The following GRM7 variants were observed in gnomAD, a reference collection of about 807,000 sequenced individuals.
GRM7 encodes the protein glutamate metabotropic receptor 7.
A neutral mutation model predicts 84.5 loss-of-function variants in GRM7; 35 were observed. The observed-to-expected ratio is 0.41, with a 90% CI of 0.32 to 0.55. The LOEUF (loss-of-function observed/expected upper bound fraction) is 0.55, where lower values mean the gene tolerates loss of function less well. Ranked by LOEUF, GRM7 falls within the 20% of genes least tolerant of loss-of-function variation. GRM7 has a pLI of 0.19. For missense variants in GRM7, 1,003 were observed against 1,194.6 expected, an observed-to-expected ratio of 0.84 and a Z score of 2.36; for synonymous variants, 487 against 455.1, an observed-to-expected ratio of 1.07 and a Z score of -0.89.
intron 7 of GRM7, among the ~76,000 whole-genome samples, chr3:7,472,690 C>A (rs766458540): frequency 6.6e-6 from 1 of 152,148 alleles, no homozygotes; most frequent in Non-Finnish European, 1.5e-5. Flanking sequence ...CTCACCACTT[C>A]CAGAAATCTG....
At chr3:7,587,240 T>C (rs1695561024) in intron 8 of GRM7, among the ~76,000 whole-genome samples, 3 of 152,240 alleles carry the variant, frequency 2.0e-5, no homozygotes, top group African/African-American at 4.8e-5. Flanking sequence ...AGCGGCCTTA[T>C]GCCAACTGGC....
intron 1 of GRM7, among the ~76,000 whole-genome samples, chr3:7,105,018 C>G (rs545069237): frequency 2.6e-5 from 4 of 151,542 alleles, no homozygotes; most frequent in African/African-American, 9.7e-5. Context: ...TGAATAGTTC[C>G]CTGAGCATGA....
intron 8 of GRM7, among the ~76,000 whole-genome samples, chr3:7,585,586 A>T (rs1695481909): frequency 3.3e-5 from 5 of 152,212 alleles, no homozygotes; most frequent in Admixed American, 3.3e-4. Context: ...ACTCAGAAAG[A>T]GAAATTCCTG....
At chr3:7,132,880 C>T (rs945614610) in intron 1 of GRM7, among the ~76,000 whole-genome samples, 4 of 152,184 alleles carry the variant, frequency 2.6e-5, no homozygotes, top group Non-Finnish European at 5.9e-5. Context: ...AATTGCCATA[C>T]AGCATACCAT....
At chr3:7,251,849 A>G (rs1038398034) in intron 2 of GRM7, among the ~76,000 whole-genome samples, 1 of 152,224 alleles carries the variant, frequency 6.6e-6, no homozygotes, top group Non-Finnish European at 1.5e-5. Context: ...AATCATAAGT[A>G]TAACCTGATG....
intron 1 of GRM7, among the ~76,000 whole-genome samples, chr3:7,033,144 T>C (rs1358689460): frequency 1.3e-5 from 2 of 152,200 alleles, no homozygotes; most frequent in African/African-American, 4.8e-5. Flanking sequence ...CTCCAATTTC[T>C]GCTTCTGTCT....
At chr3:7,240,521 G>C (rs1359452787) in intron 2 of GRM7, among the ~76,000 whole-genome samples, 1 of 152,036 alleles carries the variant, frequency 6.6e-6, no homozygotes, top group Non-Finnish European at 1.5e-5. Context: ...ACTAAGATAT[G>C]GTTGAATATT....
chr3:6,954,173 C>CA (rs1461497037), intron 1 of GRM7, among the ~76,000 whole-genome samples: 1 of 152,088 alleles, frequency 6.6e-6, no homozygotes, highest in African/African-American at 2.4e-5. Context: ...ATGATCAAGT[C>CA]AGGATATTCA....
At chr3:7,129,832 C>T (rs1693531897) in intron 1 of GRM7, among the ~76,000 whole-genome samples, 1 of 152,212 alleles carries the variant, frequency 6.6e-6, no homozygotes, top group East Asian at 1.9e-4. Flanking sequence ...TATTTTCAAG[C>T]AATTGTTATT....
At chr3:7,129,892 A>G in intron 1 of GRM7, among the ~76,000 whole-genome samples, 1 of 152,188 alleles carries the variant, frequency 6.6e-6, no homozygotes, top group East Asian at 1.9e-4. Flanking sequence ...GTATTGCTTA[A>G]TCATCAAAAT....
chr3:7,249,001 T>C (rs1697878697), intron 2 of GRM7, among the ~76,000 whole-genome samples: 1 of 152,182 alleles, frequency 6.6e-6, no homozygotes, highest in Non-Finnish European at 1.5e-5. Flanking sequence ...TAGACAGCCA[T>C]AGATATGAAC....
At chr3:6,949,815 A>G (rs1407476861) in intron 1 of GRM7, among the ~76,000 whole-genome samples, 2 of 152,092 alleles carry the variant, frequency 1.3e-5, no homozygotes, top group African/African-American at 2.4e-5. Flanking sequence ...TTGATCTTCC[A>G]TCTCTGATAC....
At chr3:7,651,507 C>G (rs1426149270) in intron 8 of GRM7, among the ~76,000 whole-genome samples, 4 of 152,140 alleles carry the variant, frequency 2.6e-5, no homozygotes, top group Non-Finnish European at 5.9e-5. Context: ...AGCTCTTGCT[C>G]TATAATTGAG....
At chr3:7,675,734 G>A (rs162809) in intron 8 of GRM7, among the ~76,000 whole-genome samples, 62,123 of 151,950 alleles carry the variant, frequency 0.41, 12,858 homozygotes, top group Non-Finnish European at 0.44. Context: ...TATACATAAA[G>A]AGTTTAAAAT....
At chr3:7,155,971 T>G (rs1173677492) in intron 2 of GRM7, among the ~76,000 whole-genome samples, 1 of 152,192 alleles carries the variant, frequency 6.6e-6, no homozygotes, top group Non-Finnish European at 1.5e-5. Context: ...CCATAATCAC[T>G]GGACAGTATT....
At chr3:7,350,527 G>A (rs965647490) in intron 4 of GRM7, among the ~76,000 whole-genome samples, 4 of 151,838 alleles carry the variant, frequency 2.6e-5, no homozygotes, top group Non-Finnish European at 4.4e-5. Flanking sequence ...AGAAGCAGAA[G>A]CCACTATGCT....
intron 7 of GRM7, among the ~76,000 whole-genome samples, chr3:7,575,707 G>A (rs541429759): frequency 6.6e-6 from 1 of 152,272 alleles, no homozygotes; most frequent in South Asian, 2.1e-4. Flanking sequence ...TTAGACTTCT[G>A]TCCATCTGGA....
intron 1 of GRM7, among the ~76,000 whole-genome samples, chr3:6,874,764 C>G (rs570542361): frequency 2.0e-5 from 3 of 152,320 alleles, no homozygotes; most frequent in African/African-American, 7.2e-5. Flanking sequence ...CCATATCTTT[C>G]TATTCCCTAT....
Position 7,171,122 on chromosome 3 carries a change from T to C in GRM7, c.736+24454T>C, listed in dbSNP as rs751212083. 1.3e-4 allele frequency among the ~76,000 whole-genome samples: 20 copies of C among 152,162 alleles called. 1 individual carries two copies. Among genetic ancestry groups the C allele is most frequent in the Non-Finnish European group, 2.5e-4 (17 of 68,026 alleles). On this transcript the variant is annotated intron_variant, in intron 2 of 9. Coordinates refer to ENST00000357716, the MANE Select transcript of GRM7 (RefSeq NM_000844.4). Reference sequence around the variant, plus strand: ...GAAACAGAAATTTATGGACTCACATTCCTGAAGTCTGGAAGTCTGAGATCA... The same window carrying C: ...GAAACAGAAATTTATGGACTCACATCCCTGAAGTCTGGAAGTCTGAGATCA...
Sources: allele counts gnomAD v4.1 joint callset (sites outside exome capture counted in the v4.1 genomes callset), GRCh38; gene constraint gnomAD v4.1.1; transcripts MANE v1.5; gene names NCBI Gene and HGNC (gene_info 2026-07-23, HGNC 2026-07-21).